The following ASB4 variants were observed in gnomAD, a reference collection of about 807,000 sequenced individuals.
ASB4 encodes the protein ankyrin repeat and SOCS box protein 4.
Under a neutral mutation model 38.6 loss-of-function variants are expected in ASB4, and 35 were observed. That is an observed-to-expected ratio of 0.91 (90% CI 0.69 to 1.20). The LOEUF (loss-of-function observed/expected upper bound fraction) is 1.20, where lower values mean the gene tolerates loss of function less well. Among genes scored for constraint, ASB4 ranks in the 50% most tolerant of loss-of-function variants. The probability of loss-of-function intolerance (pLI) is 0.00; values close to 1 mark genes in which losing one functional copy is unlikely to be tolerated. For missense variants in ASB4, 557 were observed against 527.2 expected (o/e 1.06, Z -0.55); for synonymous variants, 195 against 201.3 (o/e 0.97, Z 0.26).
chr7:95,518,849 A>G (rs1790621488), intron 2 of ASB4, among the ~76,000 whole-genome samples: 1 of 152,208 alleles, frequency 6.6e-6, no homozygotes, highest in Admixed American at 6.5e-5. Context: ...TGACTTCAGG[A>G]CAGAGATAAA....
chr7:95,501,217 A>T (rs1209145219), intron 2 of ASB4, among the ~76,000 whole-genome samples: 1 of 152,208 alleles, frequency 6.6e-6, no homozygotes, highest in Non-Finnish European at 1.5e-5. Context: ...TCCTGACAGT[A>T]GGAGGAAAAT....
At chr7:95,492,727 AT>A (rs1407508563) in intron 1 of ASB4, among the ~76,000 whole-genome samples, 1 of 152,172 alleles carries the variant, frequency 6.6e-6, no homozygotes, top group Non-Finnish European at 1.5e-5. Context: ...GAGCTGCCTA[AT>A]TTTTGCTGTT....
At chr7:95,525,271 GT>G (rs1414953606) in intron 2 of ASB4, among the ~76,000 whole-genome samples, 1 of 152,162 alleles carries the variant, frequency 6.6e-6, no homozygotes, top group Non-Finnish European at 1.5e-5. Context: ...AATTTCAGTT[GT>G]TTTAAGCTAC....
At chr7:95,542,218 T>A (rs1240421628), downstream of ASB4, 1 of 152,246 alleles carries the variant, frequency 6.6e-6, no homozygotes, top group African/African-American at 2.4e-5. Flanking sequence ...TTTGGTTTAT[T>A]TGTTTTTATT....
At chr7:95,534,434 T>C (rs1187577673) in intron 3 of ASB4, among the ~76,000 whole-genome samples, 1 of 152,170 alleles carries the variant, frequency 6.6e-6, no homozygotes, top group Non-Finnish European at 1.5e-5. Context: ...GCAACTCTTG[T>C]TTGTCCTCTA....
At position 95,508,061 on chromosome 7, in the gene ASB4, A is replaced by AT. The variant is rs1008365877; in HGVS notation, c.487+12014dup. Among the ~76,000 whole-genome samples, 142 of 149,822 alleles carry AT rather than the reference A, an allele frequency of 9.5e-4. 1 individual carries two copies. The highest frequency in any genetic ancestry group is 2.0e-3 in the African/African-American group (80 of 40,984). On this transcript the variant is annotated intron_variant, in intron 2 of 4. Coordinates refer to ENST00000325885, the MANE Select transcript of ASB4 (RefSeq NM_016116.3). Reference sequence around the variant, plus strand: ...TGAAGAGGAAAATGGGTTTGAACTTATTTTTTTTTTAGATTTTAGATGATA... The same window carrying AT: ...TGAAGAGGAAAATGGGTTTGAACTTATTTTTTTTTTTAGATTTTAGATGATA...
At chr7:95,515,435 AAG>A (rs1282773745) in intron 2 of ASB4, among the ~76,000 whole-genome samples, 1 of 63,958 alleles carries the variant, frequency 1.6e-5, no homozygotes, top group African/African-American at 7.6e-5. Context: ...TTTTTTTTTT[AAG>A]ACAGAGTCTC....
chr7:95,535,150 C>T (rs1451603542), intron 3 of ASB4, among the ~76,000 whole-genome samples: 1 of 152,128 alleles, frequency 6.6e-6, no homozygotes, highest in African/African-American at 2.4e-5. Context: ...TCTGTGATCC[C>T]AAGACATTAG....
At chr7:95,513,139 C>T (rs1029920452) in intron 2 of ASB4, among the ~76,000 whole-genome samples, 1 of 151,618 alleles carries the variant, frequency 6.6e-6, no homozygotes, top group Non-Finnish European at 1.5e-5. Flanking sequence ...AGGCCATGGT[C>T]ACGAAATGTG....
At position 95,486,037 on chromosome 7, in the gene ASB4, T is replaced by C; in HGVS notation, c.66T>C (p.Leu22=). ...CCAAGTTAGTTAAGAGAAATTTCCTTGAGGCGCTAAAGTCCAATGACTTCG... is the reference window on the plus strand; with the variant it reads ...CCAAGTTAGTTAAGAGAAATTTCCTCGAGGCGCTAAAGTCCAATGACTTCG... The part of the protein sequence containing the change: ...GAAKLVKRNF[L]EALKSNDFGK... Residue 22 remains leucine (L), a synonymous_variant, in exon 1 of 5, where the codon CTT becomes CTC. Transcript: ENST00000325885. 1 of 1,614,140 alleles carries C rather than the reference T, an allele frequency of 6.2e-7. No homozygotes were observed. The highest frequency in any genetic ancestry group is 1.3e-5 in the African/African-American group (1 of 75,048).
At chr7:95,472,286 T>C in the ASB4 span, among the ~76,000 whole-genome samples, 1 of 152,186 alleles carries the variant, frequency 6.6e-6, no homozygotes, top group African/African-American at 2.4e-5. Context: ...ATCTGGGCAG[T>C]AGCACAGGAC....
the ASB4 span, among the ~76,000 whole-genome samples, chr7:95,551,296 C>T: frequency 2.1e-4 from 32 of 152,270 alleles, no homozygotes; most frequent in Admixed American, 3.9e-4. Context: ...TTAAATAAAG[C>T]ACTTTAAATG....
intron 2 of ASB4, among the ~76,000 whole-genome samples, chr7:95,526,522 C>T (rs1488721671): frequency 3.9e-5 from 6 of 152,196 alleles, no homozygotes; most frequent in Non-Finnish European, 4.4e-5. Flanking sequence ...TACTTTACCA[C>T]CTGTGACACC....
chr7:95,505,441 A>G (rs919486891), intron 2 of ASB4, among the ~76,000 whole-genome samples: 1 of 152,214 alleles, frequency 6.6e-6, no homozygotes, highest in Non-Finnish European at 1.5e-5. Context: ...AAAAGACATT[A>G]AGAAGATACC....
chr7:95,525,855 G>A (rs554046256), intron 2 of ASB4, among the ~76,000 whole-genome samples: 16 of 152,290 alleles, frequency 1.1e-4, no homozygotes, highest in Admixed American at 9.8e-4. Flanking sequence ...CTACAAGTTA[G>A]GAATACAGTC....
rs766078059 is a variant in ASB4, at chr7:95,528,126, C to A, written c.801C>A (p.Leu267=). The A allele has an allele frequency of 1.9e-6, 3 of 1,614,080 alleles. No individual in the cohort carries two copies. The highest frequency in any genetic ancestry group is 2.5e-6 in the Non-Finnish European group (3 of 1,180,052). ...CAGCCTGGAACTGTGACCACGTGCTCATGCACATGATGCTGGAAGCTGGCG... is the reference window on the plus strand; with the variant it reads ...CAGCCTGGAACTGTGACCACGTGCTAATGCACATGATGCTGGAAGCTGGCG... ...HKAAWNCDHV[L]MHMMLEAGAE... The change falls in exon 3 of 5, where the codon CTC becomes CTA. Residue 267 remains leucine (L), a synonymous_variant. Coordinates refer to ENST00000325885, the MANE Select transcript of ASB4 (RefSeq NM_016116.3).
the ASB4 span, among the ~76,000 whole-genome samples, chr7:95,549,588 C>T: frequency 6.6e-6 from 1 of 152,138 alleles, no homozygotes; most frequent in East Asian, 1.9e-4. Context: ...TGAGCCACCG[C>T]GCCCGGCCGA....
At chr7:95,493,120 C>A (rs1267671976) in intron 1 of ASB4, among the ~76,000 whole-genome samples, 1 of 152,162 alleles carries the variant, frequency 6.6e-6, no homozygotes, top group East Asian at 1.9e-4. Context: ...ACCATCTCTT[C>A]CCAGTGTCTG....
chr7:95,527,698 A>T, intron 2 of ASB4, 115 bp from the exon 3 acceptor site: 1 of 1,043,550 alleles, frequency 9.6e-7, no homozygotes, highest in Non-Finnish European at 1.4e-6. Flanking sequence ...GTTGGGGATA[A>T]TATACGGCAG....
Sources: allele counts gnomAD v4.1 joint callset (sites outside exome capture counted in the v4.1 genomes callset), GRCh38; gene constraint gnomAD v4.1.1; transcripts MANE v1.5; gene names NCBI Gene and HGNC (gene_info 2026-07-23, HGNC 2026-07-21).